Variants in LGSN observed in about 807,000 individuals in gnomAD.
LGSN encodes the protein lengsin, lens protein with glutamine synthetase domain, also known as lengsin.
A neutral mutation model predicts 19.5 loss-of-function variants in LGSN; 21 were observed. The observed-to-expected ratio is 1.07, with a 90% CI of 0.76 to 1.55. The LOEUF (loss-of-function observed/expected upper bound fraction) is 1.55, where lower values mean the gene tolerates loss of function less well. LGSN is among the 40% of genes most tolerant of loss of function. The probability of loss-of-function intolerance (pLI) is 0.00; values close to 1 mark genes in which losing one functional copy is unlikely to be tolerated. For missense variants in LGSN, 673 were observed against 608.5 expected (o/e 1.11, Z -1.12); for synonymous variants, 257 against 215.6 (o/e 1.19, Z -1.68).
chr6:63,399,584 T>C, the LGSN span, among the ~76,000 whole-genome samples: 1 of 151,650 alleles, frequency 6.6e-6, no homozygotes, highest in Non-Finnish European at 1.5e-5. Context: ...TTAGTAGAGA[T>C]GGGGTTTCAC....
the LGSN span, among the ~76,000 whole-genome samples, chr6:63,331,692 C>T: frequency 4.6e-5 from 7 of 152,210 alleles, no homozygotes; most frequent in South Asian, 1.5e-3. Context: ...ATCGGAATAG[C>T]TGCACTCACC....
the LGSN span, among the ~76,000 whole-genome samples, chr6:63,390,869 A>G: frequency 2.7e-5 from 4 of 148,880 alleles, no homozygotes; most frequent in African/African-American, 7.8e-5. Context: ...CAAAAAAAAA[A>G]AAAAAAAAGA....
chr6:63,316,197 A>G (rs1424651943), intron 1 of LGSN, among the ~76,000 whole-genome samples: 1 of 152,140 alleles, frequency 6.6e-6, no homozygotes, highest in East Asian at 1.9e-4. Flanking sequence ...AAGTTGGCAG[A>G]TTAGGTGGAA....
At position 63,314,927 on chromosome 6, in the gene LGSN, C is replaced by T. The variant is rs141743826; in HGVS notation, c.30+4987G>A. Among the ~76,000 whole-genome samples, 25 of 152,162 alleles carry T rather than the reference C, an allele frequency of 1.6e-4. No homozygotes were observed. In the East Asian group the frequency reaches 3.7e-3, roughly 22 times the overall value. ...AGCTCAGCTGGAAATGTGAAGACAC[C>T]ATGGTTTAAGGTTTCATGAGGTCAC... On this transcript the variant is annotated intron_variant, in intron 1 of 3. Coordinates refer to ENST00000370657, the MANE Select transcript of LGSN (RefSeq NM_016571.3).
the LGSN span, among the ~76,000 whole-genome samples, chr6:63,498,252 A>T: frequency 6.6e-6 from 1 of 152,020 alleles, no homozygotes; most frequent in Non-Finnish European, 1.5e-5. Context: ...GAAAACACAG[A>T]CTGAAAGTTT....
chr6:63,437,922 T>C, the LGSN span, among the ~76,000 whole-genome samples: 15 of 152,202 alleles, frequency 9.9e-5, no homozygotes, highest in African/African-American at 3.4e-4. Context: ...AGAGTGAGAC[T>C]ATCTCAAAAA....
the LGSN span, among the ~76,000 whole-genome samples, chr6:63,419,175 A>G: frequency 6.6e-6 from 1 of 152,304 alleles, no homozygotes; most frequent in East Asian, 1.9e-4. Flanking sequence ...TGAGGTTCCT[A>G]GCCAGTCAAC....
At chr6:63,372,328 T>C in the LGSN span, among the ~76,000 whole-genome samples, 1 of 152,204 alleles carries the variant, frequency 6.6e-6, no homozygotes, top group Non-Finnish European at 1.5e-5. Flanking sequence ...AGGCTTCATT[T>C]CTTTGGTCAA....
chr6:63,354,712 A>G, the LGSN span, among the ~76,000 whole-genome samples: 2 of 152,218 alleles, frequency 1.3e-5, no homozygotes, highest in African/African-American at 2.4e-5. Context: ...ACTATTCACA[A>G]CAGCAAAGAC....
At chr6:63,356,520 C>G in the LGSN span, among the ~76,000 whole-genome samples, 1 of 148,672 alleles carries the variant, frequency 6.7e-6, no homozygotes, top group Admixed American at 6.6e-5. Context: ...CCACCCTGGG[C>G]GACAAGAGCA....
the LGSN span, among the ~76,000 whole-genome samples, chr6:63,565,512 TTGA>T: frequency 5.7e-4 from 87 of 152,338 alleles, no homozygotes; most frequent in South Asian, 0.013. Flanking sequence ...CTCAAATGGT[TTGA>T]TATGATGACT....
At chr6:63,341,420 G>A in the LGSN span, among the ~76,000 whole-genome samples, 6 of 152,172 alleles carry the variant, frequency 3.9e-5, no homozygotes, top group Admixed American at 2.0e-4. Context: ...TGAGTGGATC[G>A]GTCTTCAGGA....
upstream of LGSN, among the ~76,000 whole-genome samples, chr6:63,323,578 A>G (rs916099859): frequency 6.7e-6 from 1 of 150,172 alleles, no homozygotes; most frequent in African/African-American, 2.5e-5. Flanking sequence ...ACACACACAC[A>G]CACACACACA....
At chr6:63,405,918 A>G in the LGSN span, among the ~76,000 whole-genome samples, 1 of 152,152 alleles carries the variant, frequency 6.6e-6, no homozygotes. Context: ...CAAAGATCAA[A>G]AGAGACAAAG....
chr6:63,353,345 C>A, the LGSN span, among the ~76,000 whole-genome samples: 1 of 152,064 alleles, frequency 6.6e-6, no homozygotes, highest in Non-Finnish European at 1.5e-5. Context: ...ATCCTTAGTA[C>A]CTAACAGGGT....
chr6:63,573,221 C>G, the LGSN span: 2 of 152,744 alleles, frequency 1.3e-5, no homozygotes, highest in Non-Finnish European at 2.9e-5. Context: ...CGGGGTGGGG[C>G]GAGGGCTGCG....
the LGSN span, among the ~76,000 whole-genome samples, chr6:63,532,055 T>C: frequency 2.0e-5 from 3 of 152,164 alleles, no homozygotes; most frequent in African/African-American, 7.2e-5. Flanking sequence ...CACCTCGGCC[T>C]CCCAGAGTGC....
chr6:63,392,881 C>CTTTTTTTTTTTTTT, the LGSN span, among the ~76,000 whole-genome samples: 2 of 109,914 alleles, frequency 1.8e-5, no homozygotes, highest in African/African-American at 3.9e-5. Flanking sequence ...TCTTCTTCTT[C>CTTTTTTTTTTTTTT]TTTTTTTTTT....
At chr6:63,348,898 T>C in the LGSN span, among the ~76,000 whole-genome samples, 1 of 152,006 alleles carries the variant, frequency 6.6e-6, no homozygotes, top group East Asian at 1.9e-4. Flanking sequence ...GCCAGAAGTA[T>C]AGATTTTTAA....
Sources: gnomAD v4.1 joint callset for allele counts (sites outside exome capture counted in the v4.1 genomes callset) on GRCh38, gnomAD v4.1.1 for gene constraint, MANE v1.5 for transcripts, NCBI Gene and HGNC (gene_info 2026-07-23, HGNC 2026-07-21) for gene names.